ERICH6: variants seen among roughly 807,000 people sequenced by gnomAD.
The protein encoded by ERICH6 is glutamate-rich protein 6.
In ERICH6, 71 loss-of-function variants were observed where a neutral mutation model predicts 71.0. The ratio of observed to expected loss-of-function variants is 1.00; its 90% CI spans 0.83 to 1.22. The LOEUF is 1.22. Among genes scored for constraint, ERICH6 ranks in the 50% most tolerant of loss-of-function variants. The pLI, the probability that ERICH6 is intolerant of heterozygous loss-of-function variation, is 0.00. For synonymous variants in ERICH6, 262 were observed against 278.4 expected (o/e 0.94, Z 0.59); for missense variants, 808 against 797.2 (o/e 1.01, Z -0.16).
chr3:150,677,753 T>C (rs1341495317), intron 10 of ERICH6, among the ~76,000 whole-genome samples: 1 of 152,162 alleles, frequency 6.6e-6, no homozygotes, highest in Admixed American at 6.5e-5. Context: ...TGCTTTGGCT[T>C]CCCAAAGTGC....
intron 11 of ERICH6, among the ~76,000 whole-genome samples, chr3:150,672,470 T>G (rs1335441677): frequency 6.6e-6 from 1 of 151,274 alleles, no homozygotes; most frequent in Non-Finnish European, 1.5e-5. Flanking sequence ...TGGTGGCATG[T>G]GCCTGTAATC....
chr3:150,661,847 CT>C (rs1727234670), intron 13 of ERICH6, among the ~76,000 whole-genome samples: 1 of 152,076 alleles, frequency 6.6e-6, no homozygotes, highest in Non-Finnish European at 1.5e-5. Context: ...CGCCACTACA[CT>C]CCAGCCTGGG....
chr3:150,702,076 C>T (rs779977669), intron 2 of ERICH6, 45 bp downstream of exon 2: 8 of 1,266,828 alleles, frequency 6.3e-6, no homozygotes, highest in Non-Finnish European at 9.0e-6. Context: ...AAAAGGTAAA[C>T]ATTATTGGGT....
intron 11 of ERICH6, among the ~76,000 whole-genome samples, chr3:150,673,107 C>T (rs1234026889): frequency 6.6e-6 from 1 of 151,502 alleles, no homozygotes; most frequent in Non-Finnish European, 1.5e-5. Flanking sequence ...TTCCTTCCTT[C>T]CTTTTTCCTT....
At chr3:150,702,032 G>T in intron 2 of ERICH6, 89 bp downstream of exon 2, 1 of 890,784 alleles carries the variant, frequency 1.1e-6, no homozygotes, top group Non-Finnish European at 1.7e-6. Context: ...AAATGCCCTG[G>T]ATTATTTTAC....
chr3:150,701,115 A>G (rs1353359838), intron 2 of ERICH6, among the ~76,000 whole-genome samples: 8 of 152,246 alleles, frequency 5.3e-5, no homozygotes, highest in Admixed American at 5.2e-4. Context: ...GCATTTTAAT[A>G]TAATTTATCA....
intron 6 of ERICH6, among the ~76,000 whole-genome samples, chr3:150,685,500 T>C (rs1559917339): frequency 6.6e-6 from 1 of 152,168 alleles, no homozygotes; most frequent in African/African-American, 2.4e-5. Flanking sequence ...ATTTCGAACT[T>C]CTAGTCTCCA....
chr3:150,666,840 T>C lies in ERICH6; in HGVS notation c.1675A>G (p.Thr559Ala), dbSNP rs1727434369. The change falls in exon 13 of 14, where the codon ACT (threonine) becomes GCT (alanine). Residue 559 changes from threonine to alanine, a missense_variant. This residue lies in a region of ERICH6 where 736 missense variants were observed against 712.2 expected (regional missense o/e 1.03). Coordinates refer to ENST00000295910, the MANE Select transcript of ERICH6 (RefSeq NM_152394.5). ...RILEQDKISI[T>A]FLAMGQQARI... ...GCCTGTTGGCCCATTGCTAGAAAAG[T>C]TATAGAAATCTTGTCTTGTTCTAAG... 3 of 1,614,054 alleles carry C rather than the reference T, an allele frequency of 1.9e-6. No homozygotes were observed. The highest frequency in any genetic ancestry group is 1.7e-5 in the Admixed American group (1 of 60,000).
rs1468939515 is a variant in ERICH6 at position 150,675,733 on chromosome 3, C to T, written c.1258-1692G>A. Among the ~76,000 whole-genome samples the T allele has an allele frequency of 2.6e-5, 4 of 151,448 alleles. No homozygotes were observed. The East Asian group carries it at 5.8e-4, about 22-fold the overall frequency. ...TTTTTTTTTTTTACCACACTGAAGA[C>T]ATTCCATTGCCTTTGAGCCTCTATT... is the stretch of plus-strand genomic sequence containing the variant. On this transcript the variant is annotated intron_variant, in intron 10 of 13. Coordinates refer to ENST00000295910, the MANE Select transcript of ERICH6 (RefSeq NM_152394.5).
chr3:150,689,790 G>A (rs1712350011), intron 3 of ERICH6, among the ~76,000 whole-genome samples: 1 of 152,012 alleles, frequency 6.6e-6, no homozygotes, highest in Non-Finnish European at 1.5e-5. Context: ...AATAGCCTGG[G>A]GTTCCTTAAA....
intron 7 of ERICH6, 22 bp from the exon 8 acceptor site, chr3:150,680,952 C>G (rs748149584): frequency 1.9e-6 from 3 of 1,595,466 alleles, no homozygotes; most frequent in East Asian, 2.2e-5. Flanking sequence ...AGAAGTTACT[C>G]TCATCTCATT....
At chr3:150,667,397 G>A (rs1299486788) in intron 12 of ERICH6, among the ~76,000 whole-genome samples, 1 of 152,154 alleles carries the variant, frequency 6.6e-6, no homozygotes, top group Non-Finnish European at 1.5e-5. Flanking sequence ...AAAGACCTGT[G>A]GCTGTAAATT....
At chr3:150,700,012 G>A (rs1265774887) in intron 2 of ERICH6, among the ~76,000 whole-genome samples, 2 of 152,088 alleles carry the variant, frequency 1.3e-5, no homozygotes, top group Non-Finnish European at 2.9e-5. Context: ...ATGGTCTGAG[G>A]ATAAGACTGG....
intron 12 of ERICH6, among the ~76,000 whole-genome samples, chr3:150,667,710 T>TG (rs1727476916): frequency 6.6e-6 from 1 of 152,172 alleles, no homozygotes; most frequent in Non-Finnish European, 1.5e-5. Context: ...TATTCAGTTA[T>TG]CTCCTTCTCA....
rs999862710 is a variant in ERICH6 at position 150,659,991 on chromosome 3, A to C, written c.1893T>G (p.Leu631=). 3.7e-6 allele frequency: 6 copies of C among 1,614,086 alleles called. No homozygotes were observed. Among genetic ancestry groups the C allele is most frequent in the African/African-American group, 1.3e-5 (1 of 74,930 alleles). Residue 631 remains leucine (L), a synonymous_variant, in exon 14 of 14, where the codon CTT becomes CTG. Transcript: ENST00000295910. ...CAATTAGTTTTAGAGAAAGTGAAGA[A>C]AGGTAGGAAGGTTGCTTTAATTTTT... ...VWEKLKQPSY[L]SSLSLKLIAL... is the part of the protein sequence containing the mutation.
Position 150,680,923 on chromosome 3 carries a change from C to T in ERICH6, c.890G>A (p.Cys297Tyr). The T allele has an allele frequency of 6.2e-7, 1 of 1,608,284 alleles. No individual in the cohort carries two copies. Among genetic ancestry groups the T allele is most frequent in the Non-Finnish European group, 8.5e-7 (1 of 1,177,894 alleles). The change falls in exon 8 of 14, where the codon TGT (cysteine) becomes TAT (tyrosine). Residue 297 changes from cysteine to tyrosine, a missense_variant. By Grantham distance (194) the Cys-to-Tyr change is radical. Around this residue, in one of 3 missense-constraint regions of ERICH6, gnomAD observed 736 missense variants for 712.2 expected, o/e 1.03. Coordinates refer to ENST00000295910, the MANE Select transcript of ERICH6 (RefSeq NM_152394.5). ...AATCAGATTTTGGAAAGCAATACAA[C>T]AGGAGGCCTGGAAAACACAGAAGTT... ...VSSEPKGHAS[C>Y]CIAFQNLIDY...
chr3:150,677,912 A>G (rs979850409), intron 10 of ERICH6, among the ~76,000 whole-genome samples: 2 of 152,212 alleles, frequency 1.3e-5, no homozygotes, highest in East Asian at 1.9e-4. Context: ...AACAGTGCTA[A>G]TATAACTTTT....
At chr3:150,675,634 C>G (rs1211127368) in intron 10 of ERICH6, among the ~76,000 whole-genome samples, 1 of 152,120 alleles carries the variant, frequency 6.6e-6, no homozygotes, top group Non-Finnish European at 1.5e-5. Flanking sequence ...CAGGTGTAAG[C>G]CACTGCACCT....
intron 11 of ERICH6, among the ~76,000 whole-genome samples, chr3:150,672,095 G>C (rs533316714): frequency 5.3e-4 from 81 of 152,000 alleles, no homozygotes; most frequent in African/African-American, 1.9e-3. Context: ...ATATAATAAA[G>C]TACTATGTGG....
Sources: gnomAD v4.1 joint callset for allele counts (sites outside exome capture counted in the v4.1 genomes callset) on GRCh38, gnomAD v4.1.1 for gene constraint, gnomAD v4.1.1 regional missense constraint, MANE v1.5 for transcripts, NCBI Gene and HGNC (gene_info 2026-07-23, HGNC 2026-07-21) for gene names.